Variants in ACCSL observed in about 807,000 individuals in gnomAD.
The protein encoded by ACCSL is probable inactive 1-aminocyclopropane-1-carboxylate synthase-like protein 2.
Under a neutral mutation model 61.7 loss-of-function variants are expected in ACCSL, and 55 were observed. That is an observed-to-expected ratio of 0.89 (90% CI 0.72 to 1.12). The LOEUF is 1.12. Among genes scored for constraint, ACCSL ranks in the 50% most tolerant of loss-of-function variants. ACCSL has a pLI of 0.00. For missense variants in ACCSL, 632 were observed against 698.0 expected, an observed-to-expected ratio of 0.91 and a Z score of 1.07; for synonymous variants, 258 against 264.3, an observed-to-expected ratio of 0.98 and a Z score of 0.23.
At chr11:43,987,872 T>A in the ACCSL span, among the ~76,000 whole-genome samples, 1 of 152,166 alleles carries the variant, frequency 6.6e-6, no homozygotes, top group Admixed American at 6.5e-5. Flanking sequence ...ATAATGTGCG[T>A]TTGGCAGGCA....
At chr11:43,942,544 C>T in the ACCSL span, 1 of 262,532 alleles carries the variant, frequency 3.8e-6, no homozygotes, top group South Asian at 3.0e-5. Context: ...GCGCGGGGCG[C>T]GCACGCTTTA....
the ACCSL span, among the ~76,000 whole-genome samples, chr11:43,973,629 C>A: frequency 3.2e-3 from 482 of 152,150 alleles, 3 homozygotes; most frequent in African/African-American, 0.011. Flanking sequence ...ATACAAGGGA[C>A]CTTCCAGACC....
At chr11:44,019,339 T>G in the ACCSL span, among the ~76,000 whole-genome samples, 1 of 152,364 alleles carries the variant, frequency 6.6e-6, no homozygotes, top group Admixed American at 6.5e-5. Flanking sequence ...TGTTTAACTT[T>G]TTAGAAGAAC....
At chr11:43,943,069 G>A in the ACCSL span, 2 of 1,502,252 alleles carry the variant, frequency 1.3e-6, no homozygotes, top group South Asian at 1.3e-5. This position sits in a 1 kb window ranked among gnomAD's most constrained non-coding sequence, Gnocchi z 4.8. Context: ...GCTTCAAGAC[G>A]CAGCCGGTGA....
At chr11:43,995,398 T>A in the ACCSL span, 2 of 152,218 alleles carry the variant, frequency 1.3e-5, no homozygotes, top group Non-Finnish European at 2.9e-5. Flanking sequence ...TCGACGCACA[T>A]GGAGGACACA....
chr11:43,935,760 TG>T, the ACCSL span, among the ~76,000 whole-genome samples: 144 of 152,320 alleles, frequency 9.5e-4, no homozygotes, highest in Non-Finnish European at 1.8e-3. Flanking sequence ...CCTGAGTAAC[TG>T]GGACTGCAGA....
the ACCSL span, chr11:43,944,049 G>A: frequency 5.2e-6 from 2 of 385,014 alleles, no homozygotes; most frequent in Non-Finnish European, 9.6e-6. Context: ...TGCGCGGGTC[G>A]GTTGCCTGCC....
At chr11:44,054,222 C>T (rs1442107824) in intron 8 of ACCSL, among the ~76,000 whole-genome samples, 1 of 152,270 alleles carries the variant, frequency 6.6e-6, no homozygotes, top group Middle Eastern at 3.4e-3. Context: ...TTTCTAAGAG[C>T]ACGTTCTAGA....
chr11:44,036,057 G>A, the ACCSL span, among the ~76,000 whole-genome samples: 1 of 152,082 alleles, frequency 6.6e-6, no homozygotes, highest in African/African-American at 2.4e-5. Flanking sequence ...TTGAAAAACA[G>A]TCCCTGCAAT....
At chr11:43,945,575 GGTT>G in the ACCSL span, 77,332 of 151,184 alleles carry the variant, frequency 0.51, 20,029 homozygotes, top group East Asian at 0.69. Context: ...GCCGGGCAGT[GGTT>G]CACGCCTGTA....
chr11:43,934,915 G>C, the ACCSL span, among the ~76,000 whole-genome samples: 1 of 152,180 alleles, frequency 6.6e-6, no homozygotes, highest in Non-Finnish European at 1.5e-5. Context: ...TAAAATCCCA[G>C]CTCTGCCCAG....
the ACCSL span, among the ~76,000 whole-genome samples, chr11:44,035,713 G>A: frequency 2.6e-5 from 4 of 151,978 alleles, no homozygotes; most frequent in African/African-American, 9.7e-5. Flanking sequence ...CGAGGCAGGC[G>A]GATCACTTGA....
the ACCSL span, among the ~76,000 whole-genome samples, chr11:43,994,416 G>T: frequency 1.3e-5 from 2 of 152,158 alleles, no homozygotes; most frequent in African/African-American, 4.8e-5. Flanking sequence ...TGTCAGTGTG[G>T]CCATACCATT....
the ACCSL span, among the ~76,000 whole-genome samples, chr11:43,959,695 A>G: frequency 1.3e-5 from 2 of 152,184 alleles, no homozygotes; most frequent in Non-Finnish European, 2.9e-5. Flanking sequence ...CCCAGCTTTA[A>G]GTCCTGGTAA....
chr11:44,014,652 A>T, the ACCSL span, among the ~76,000 whole-genome samples: 1 of 152,164 alleles, frequency 6.6e-6, no homozygotes, highest in Non-Finnish European at 1.5e-5. Context: ...TATCACTACC[A>T]GGAGAGGGGA....
chr11:44,053,542 C>A, intron 8 of ACCSL, 36 bp downstream of exon 8: 1 of 1,566,234 alleles, frequency 6.4e-7, no homozygotes, highest in Non-Finnish European at 8.8e-7. Flanking sequence ...GGTAATGTTT[C>A]TTGAAAGGAT....
At chr11:43,943,321 G>C in the ACCSL span, 1 of 1,433,174 alleles carries the variant, frequency 7.0e-7, no homozygotes, top group Non-Finnish European at 9.1e-7. The surrounding 1 kb of genome is among the most constrained non-coding windows in gnomAD (Gnocchi z 4.8). Flanking sequence ...TCCGCGCGGG[G>C]ACCGGCGTGT....
At chr11:44,034,201 C>T in the ACCSL span, among the ~76,000 whole-genome samples, 7 of 152,302 alleles carry the variant, frequency 4.6e-5, no homozygotes, top group South Asian at 6.2e-4. Flanking sequence ...ACCCACACCC[C>T]ATCTGGGACT....
chr11:43,989,891 C>A, the ACCSL span, among the ~76,000 whole-genome samples: 1 of 152,280 alleles, frequency 6.6e-6, no homozygotes, highest in Non-Finnish European at 1.5e-5. Flanking sequence ...ACCCAGAACG[C>A]TGGCGGCCCC....
Sources: gnomAD v4.1 joint callset for allele counts (sites outside exome capture counted in the v4.1 genomes callset) on GRCh38, gnomAD v4.1.1 for gene constraint, Gnocchi (gnomAD v3.1) non-coding constraint, MANE v1.5 for transcripts, NCBI Gene and HGNC (gene_info 2026-07-23, HGNC 2026-07-21) for gene names.